The following DCLK1 variants were observed in gnomAD, a reference collection of about 807,000 sequenced individuals.
DCLK1 encodes serine/threonine-protein kinase DCLK1.
A neutral mutation model predicts 86.2 loss-of-function variants in DCLK1; 16 were observed. The ratio of observed to expected loss-of-function variants is 0.19; its 90% CI spans 0.13 to 0.28. DCLK1 has a LOEUF of 0.28. DCLK1 is among the 10% of genes least tolerant of loss of function. The probability of loss-of-function intolerance (pLI) is 1.00; values close to 1 mark genes in which losing one functional copy is unlikely to be tolerated. For missense variants in DCLK1, 590 were observed against 940.2 expected, an observed-to-expected ratio of 0.63 and a Z score of 4.87; for synonymous variants, 369 against 370.5, an observed-to-expected ratio of 1.00 and a Z score of 0.05.
At chr13:35,899,407 G>GTACA in intron 4 of DCLK1, among the ~76,000 whole-genome samples, 1 of 150,932 alleles carries the variant, frequency 6.6e-6, no homozygotes, top group South Asian at 2.1e-4. Flanking sequence ...ACAATTAAGT[G>GTACA]TACATAAAGT....
chr13:36,044,794 C>G (rs1882819259), intron 3 of DCLK1, among the ~76,000 whole-genome samples: 1 of 151,932 alleles, frequency 6.6e-6, no homozygotes, highest in African/African-American at 2.4e-5. Context: ...AAAATCTAAA[C>G]ATGAAAAATC....
chr13:35,912,653 A>G (rs1010854467), intron 4 of DCLK1, among the ~76,000 whole-genome samples: 1 of 151,976 alleles, frequency 6.6e-6, no homozygotes, highest in Non-Finnish European at 1.5e-5. Flanking sequence ...AAAATTTTCT[A>G]CCTCCACCAT....
intron 4 of DCLK1, among the ~76,000 whole-genome samples, chr13:35,933,966 C>A (rs184899617): frequency 4.1e-4 from 62 of 152,292 alleles, no homozygotes; most frequent in Admixed American, 3.7e-3. Flanking sequence ...CTTTTAAGTG[C>A]TTTTAACAGC....
chr13:36,064,799 C>A (rs958253925), intron 3 of DCLK1, among the ~76,000 whole-genome samples: 1 of 151,116 alleles, frequency 6.6e-6, no homozygotes, highest in Non-Finnish European at 1.5e-5. Flanking sequence ...GTGCAAAAAT[C>A]TTCATATTTA....
At position 35,850,761 on chromosome 13, in the gene DCLK1, G is replaced by T. The variant is rs151196070; in HGVS notation, c.1035+3738C>A. 3.0e-4 allele frequency: 483 copies of T among 1,602,054 alleles called. 1 individual carries two copies. The African/African-American group carries it at 5.7e-3, about 19-fold the overall frequency. Reference sequence around the variant, plus strand: ...ACTGAATCCAAGTCATCCGAAGAGAGGGGGCGGTACAGGTCCTGCAAGATG... The same window carrying T: ...ACTGAATCCAAGTCATCCGAAGAGATGGGGCGGTACAGGTCCTGCAAGATG... On this transcript the variant is annotated intron_variant, in intron 6 of 16. Coordinates refer to ENST00000360631, the MANE Select transcript of DCLK1 (RefSeq NM_001330071.2).
At chr13:36,085,194 G>C (rs1884549476) in intron 3 of DCLK1, among the ~76,000 whole-genome samples, 10 of 152,162 alleles carry the variant, frequency 6.6e-5, no homozygotes, top group South Asian at 6.2e-4. Flanking sequence ...TATATGCTCT[G>C]AAAGTTGTCT....
chr13:35,818,781 A>G (rs73510429), intron 11 of DCLK1, among the ~76,000 whole-genome samples: 5 of 151,952 alleles, frequency 3.3e-5, no homozygotes, highest in African/African-American at 1.2e-4. Context: ...TGTAAACTGA[A>G]GGTATTAATT....
chr13:35,824,890 T>C (rs1442951054), intron 10 of DCLK1, among the ~76,000 whole-genome samples: 1 of 152,166 alleles, frequency 6.6e-6, no homozygotes, highest in Non-Finnish European at 1.5e-5. Flanking sequence ...CCAAGATCTC[T>C]GTCCTCAAGC....
chr13:36,033,888 G>A (rs1882388690), intron 3 of DCLK1, among the ~76,000 whole-genome samples: 1 of 152,234 alleles, frequency 6.6e-6, no homozygotes, highest in Non-Finnish European at 1.5e-5. Flanking sequence ...TCGCACCATT[G>A]CGCTCCAGCC....
At chr13:36,011,875 G>A (rs1300358568) in intron 3 of DCLK1, among the ~76,000 whole-genome samples, 1 of 149,694 alleles carries the variant, frequency 6.7e-6, no homozygotes, top group Admixed American at 6.6e-5. Flanking sequence ...TCTCTTTGTA[G>A]GTCACTCAGG....
chr13:35,978,526 C>G (rs1430295428), intron 3 of DCLK1, among the ~76,000 whole-genome samples: 1 of 151,992 alleles, frequency 6.6e-6, no homozygotes, highest in Non-Finnish European at 1.5e-5. Context: ...GTTTTTCATT[C>G]AATAAGTCTA....
intron 7 of DCLK1, among the ~76,000 whole-genome samples, chr13:35,837,373 T>C (rs920732333): frequency 2.0e-5 from 3 of 152,168 alleles, no homozygotes; most frequent in African/African-American, 7.2e-5. Context: ...ATAGGTGACA[T>C]TTCCCTCTTA....
intron 3 of DCLK1, among the ~76,000 whole-genome samples, chr13:35,955,366 G>C (rs1877923733): frequency 1.3e-5 from 2 of 152,070 alleles, no homozygotes; most frequent in African/African-American, 4.8e-5. Flanking sequence ...AGATGATCTG[G>C]TGTCTGGTGA....
intron 10 of DCLK1, among the ~76,000 whole-genome samples, chr13:35,823,355 G>GCA (rs34702154): frequency 0.057 from 8,356 of 147,674 alleles, 242 homozygotes; most frequent in African/African-American, 0.083. Flanking sequence ...TTATTAGGAT[G>GCA]CACACACACA....
At chr13:35,887,878 CAAAAAAAAAAAAAAAAAAAAA>C (rs760195385) in intron 4 of DCLK1, among the ~76,000 whole-genome samples, 1 of 38,740 alleles carries the variant, frequency 2.6e-5, no homozygotes, top group African/African-American at 8.0e-5. Context: ...GATCTTGTCT[CAAAAAAAAAAAAAAAAAAAAA>C]AAAAAAAAAA....
chr13:36,062,739 A>C (rs1254781941), intron 3 of DCLK1, among the ~76,000 whole-genome samples: 2 of 152,188 alleles, frequency 1.3e-5, no homozygotes, highest in East Asian at 3.9e-4. Context: ...GAGAGAAGAG[A>C]ACTGACCACG....
intron 14 of DCLK1, among the ~76,000 whole-genome samples, chr13:35,807,747 T>C (rs1286851358): frequency 1.3e-5 from 2 of 152,182 alleles, no homozygotes. Flanking sequence ...GCACACCAGA[T>C]GGACACACAG....
intron 16 of DCLK1, among the ~76,000 whole-genome samples, chr13:35,786,010 A>T (rs2086614692): frequency 6.6e-6 from 1 of 151,854 alleles, no homozygotes; most frequent in South Asian, 2.1e-4. Context: ...AACTATAAAC[A>T]TTGTTGTTAC....
intron 4 of DCLK1, among the ~76,000 whole-genome samples, chr13:35,885,110 G>A (rs1873147773): frequency 6.6e-6 from 1 of 152,082 alleles, no homozygotes; most frequent in African/African-American, 2.4e-5. Context: ...TGTGAGGTGG[G>A]CATCAAGCTT....
Sources: gnomAD v4.1 joint callset for allele counts (sites outside exome capture counted in the v4.1 genomes callset) on GRCh38, gnomAD v4.1.1 for gene constraint, MANE v1.5 for transcripts, NCBI Gene and HGNC (gene_info 2026-07-23, HGNC 2026-07-21) for gene names.